Variants in PDZRN4 observed in about 807,000 individuals in gnomAD.
PDZRN4 encodes the protein PDZ domain-containing RING finger protein 4.
A neutral mutation model predicts 99.0 loss-of-function variants in PDZRN4; 70 were observed. The observed-to-expected ratio is 0.71, with a 90% CI of 0.58 to 0.86. The LOEUF is 0.86. PDZRN4 is among the 40% of genes least tolerant of loss of function. PDZRN4 has a pLI of 0.00. For synonymous variants in PDZRN4, 551 were observed against 501.6 expected (o/e 1.10, Z -1.32); for missense variants, 1,474 against 1,331.2 (o/e 1.11, Z -1.67).
chr12:41,496,171 G>A (rs1937998448), intron 3 of PDZRN4, among the ~76,000 whole-genome samples: 5 of 152,048 alleles, frequency 3.3e-5, no homozygotes. Context: ...ATAGGCCAAG[G>A]GCTTGGCTCA....
chr12:41,358,940 A>G (rs1287059821), intron 3 of PDZRN4, among the ~76,000 whole-genome samples: 1 of 152,074 alleles, frequency 6.6e-6, no homozygotes, highest in Non-Finnish European at 1.5e-5. Context: ...GCCTTTACTT[A>G]TTAAATTTAT....
At chr12:41,465,189 C>A (rs1362866082) in intron 3 of PDZRN4, among the ~76,000 whole-genome samples, 1 of 152,200 alleles carries the variant, frequency 6.6e-6, no homozygotes, top group Non-Finnish European at 1.5e-5. Context: ...GCCCCTAACT[C>A]TACTCCTTTC....
At chr12:41,313,281 A>G (rs1445812142) in intron 3 of PDZRN4, among the ~76,000 whole-genome samples, 1 of 152,112 alleles carries the variant, frequency 6.6e-6, no homozygotes, top group Non-Finnish European at 1.5e-5. Flanking sequence ...AAAGATTTAA[A>G]ATTTTCCTTT....
chr12:41,315,749 G>A (rs1287950702), intron 3 of PDZRN4, among the ~76,000 whole-genome samples: 5 of 152,056 alleles, frequency 3.3e-5, no homozygotes, highest in African/African-American at 1.2e-4. Context: ...AAATTGCCCT[G>A]CCCTTATCCT....
Position 41,506,629 on chromosome 12 carries a change from C to T in PDZRN4, c.1017C>T (p.Thr339=), listed in dbSNP as rs779578836. 2 of 1,613,924 alleles carry T rather than the reference C, an allele frequency of 1.2e-6. No homozygotes were observed. Reference sequence around the variant, plus strand: ...ATGCCAGCACTCAGACGGACATCACCTTCGAACACATCATGGCTCTGGCCA... The same window carrying T: ...ATGCCAGCACTCAGACGGACATCACTTTCGAACACATCATGGCTCTGGCCA... ...LMNASTQTDI[T]FEHIMALAKL... Residue 339 remains threonine (T), a synonymous_variant, in exon 4 of 10, where the codon ACC becomes ACT. Coordinates refer to ENST00000402685, the MANE Select transcript of PDZRN4 (RefSeq NM_001164595.2).
chr12:41,460,878 G>A (rs78481868), intron 3 of PDZRN4, among the ~76,000 whole-genome samples: 1 of 152,294 alleles, frequency 6.6e-6, no homozygotes, highest in African/African-American at 2.4e-5. Flanking sequence ...ACACTTTCAT[G>A]TTGCTCGTCT....
At chr12:41,519,886 A>G (rs534639877) in intron 5 of PDZRN4, among the ~76,000 whole-genome samples, 12 of 152,180 alleles carry the variant, frequency 7.9e-5, no homozygotes, top group Non-Finnish European at 7.4e-5. Context: ...ACTCAGGCCT[A>G]TATAATGAAA....
intron 3 of PDZRN4, among the ~76,000 whole-genome samples, chr12:41,212,730 T>C (rs1053979032): frequency 1.3e-5 from 2 of 151,998 alleles, no homozygotes; most frequent in African/African-American, 2.4e-5. Context: ...TGGGGAAATA[T>C]TGGATGTAGA....
chr12:41,374,381 C>T (rs12321301), intron 3 of PDZRN4, among the ~76,000 whole-genome samples: 7,670 of 152,104 alleles, frequency 0.05, 574 homozygotes, highest in African/African-American at 0.16. Flanking sequence ...AGTGACAGTG[C>T]ATGATCTGGT....
chr12:41,280,991 T>G (rs747929873), intron 3 of PDZRN4, among the ~76,000 whole-genome samples: 3 of 152,132 alleles, frequency 2.0e-5, no homozygotes, highest in Non-Finnish European at 2.9e-5. Context: ...CAGGTTCCCC[T>G]CTGGGACAAA....
intron 3 of PDZRN4, among the ~76,000 whole-genome samples, chr12:41,428,328 AT>A (rs1952555684): frequency 6.6e-6 from 1 of 152,162 alleles, no homozygotes; most frequent in South Asian, 2.1e-4. Flanking sequence ...TTGTCTGGAA[AT>A]GTTATATAAC....
chr12:41,441,246 G>A (rs1565583522), intron 3 of PDZRN4, among the ~76,000 whole-genome samples: 1 of 152,008 alleles, frequency 6.6e-6, no homozygotes, highest in Non-Finnish European at 1.5e-5. Context: ...CCCACATCAG[G>A]GTAAAGAAAT....
chr12:41,555,663 T>A, intron 6 of PDZRN4, 35 bp from the exon 7 acceptor site: 2 of 1,529,060 alleles, frequency 1.3e-6, no homozygotes, highest in Non-Finnish European at 1.8e-6. Context: ...GAATGTTTCA[T>A]ACCCAGTTGA....
intron 3 of PDZRN4, among the ~76,000 whole-genome samples, chr12:41,205,618 C>G (rs958231388): frequency 6.6e-6 from 1 of 151,942 alleles, no homozygotes; most frequent in African/African-American, 2.4e-5. Flanking sequence ...CTACTCAGCT[C>G]AGATATCACC....
intron 3 of PDZRN4, among the ~76,000 whole-genome samples, chr12:41,396,918 G>A (rs1952249951): frequency 1.3e-5 from 2 of 152,034 alleles, no homozygotes; most frequent in South Asian, 2.1e-4. Context: ...AGAATGTCGG[G>A]TATTCAAGAG....
intron 3 of PDZRN4, among the ~76,000 whole-genome samples, chr12:41,426,628 A>G (rs568056759): frequency 6.6e-6 from 1 of 152,348 alleles, no homozygotes; most frequent in East Asian, 1.9e-4. Context: ...TAAATGTGAA[A>G]ATGCACATCT....
chr12:41,456,017 A>G (rs975990674), intron 3 of PDZRN4, among the ~76,000 whole-genome samples: 1 of 152,142 alleles, frequency 6.6e-6, no homozygotes, highest in African/African-American at 2.4e-5. Flanking sequence ...TTCTTTCAGC[A>G]TTATCTCTCC....
At chr12:41,541,073 C>A (rs897600216) in intron 5 of PDZRN4, among the ~76,000 whole-genome samples, 3 of 151,928 alleles carry the variant, frequency 2.0e-5, no homozygotes, top group Non-Finnish European at 4.4e-5. Flanking sequence ...TACAGGCACC[C>A]ACCACCATGC....
chr12:41,444,811 A>G (rs1952710331), intron 3 of PDZRN4, among the ~76,000 whole-genome samples: 1 of 152,094 alleles, frequency 6.6e-6, no homozygotes, highest in South Asian at 2.1e-4. Context: ...TATGATGTTC[A>G]GAGAGTGATG....
Sources: allele counts gnomAD v4.1 joint callset (sites outside exome capture counted in the v4.1 genomes callset), GRCh38; gene constraint gnomAD v4.1.1; transcripts MANE v1.5; gene names NCBI Gene and HGNC (gene_info 2026-07-23, HGNC 2026-07-21).